The following NUP98 variants were observed in gnomAD, a reference collection of about 807,000 sequenced individuals.
NUP98 encodes the protein nuclear pore complex protein Nup98-Nup96.
A neutral mutation model predicts 191.9 loss-of-function variants in NUP98; 26 were observed. The observed-to-expected ratio is 0.14, with a 90% CI of 0.10 to 0.19. The LOEUF is 0.19. NUP98 is among the 10% of genes least tolerant of loss of function. The pLI is 1.00. For synonymous variants in NUP98, 808 were observed against 778.4 expected, an observed-to-expected ratio of 1.04 and a Z score of -0.63; for missense variants, 1,941 against 2,178.8, an observed-to-expected ratio of 0.89 and a Z score of 2.17.
intron 13 of NUP98, among the ~76,000 whole-genome samples, chr11:3,733,742 G>T (rs1419888185): frequency 1.3e-5 from 2 of 152,136 alleles, no homozygotes; most frequent in African/African-American, 2.4e-5. Context: ...ATTCGTCATT[G>T]ATAGACACTC....
intron 9 of NUP98, 127 bp from the exon 10 acceptor site, chr11:3,760,753 A>G: frequency 1.5e-6 from 1 of 645,460 alleles, no homozygotes. Context: ...ATTCATAAAA[A>G]AGGTAGAAAA....
chr11:3,676,725 G>T, intron 31 of NUP98, 105 bp from the exon 32 acceptor site: 1 of 927,518 alleles, frequency 1.1e-6, no homozygotes, highest in Admixed American at 1.7e-5. Flanking sequence ...AGGTGAGGGA[G>T]GGGAAAATCC....
At chr11:3,701,727 C>A (rs973725760) in intron 23 of NUP98, among the ~76,000 whole-genome samples, 1 of 150,588 alleles carries the variant, frequency 6.6e-6, no homozygotes, top group Admixed American at 6.6e-5. Flanking sequence ...ATTCAGTTGC[C>A]CAGGCTAGAG....
At chr11:3,697,537 C>T (rs185929102) in intron 25 of NUP98, among the ~76,000 whole-genome samples, 21 of 152,014 alleles carry the variant, frequency 1.4e-4, no homozygotes, top group Admixed American at 9.8e-4. Context: ...TGGCCAGGCA[C>T]GGTGGCTCAT....
chr11:3,702,349 T>C, intron 23 of NUP98, 114 bp downstream of exon 23: 2 of 668,334 alleles, frequency 3.0e-6, no homozygotes, highest in Non-Finnish European at 5.0e-6. Flanking sequence ...TCTCTCTCTC[T>C]CTCTCTCTCT....
At chr11:3,765,547 C>CCCAG (rs2081308555) in intron 8 of NUP98, among the ~76,000 whole-genome samples, 1 of 152,136 alleles carries the variant, frequency 6.6e-6, no homozygotes. Context: ...CACCTGTAAT[C>CCCAG]CCAGCACTTT....
intron 11 of NUP98, among the ~76,000 whole-genome samples, chr11:3,749,137 T>A (rs1363371283): frequency 6.9e-6 from 1 of 144,678 alleles, no homozygotes; most frequent in Non-Finnish European, 1.5e-5. Flanking sequence ...TGAAACCCCG[T>A]CTCTACTAAA....
chr11:3,728,269 CT>C (rs2079699482), intron 14 of NUP98, among the ~76,000 whole-genome samples: 1 of 152,144 alleles, frequency 6.6e-6, no homozygotes, highest in African/African-American at 2.4e-5. Flanking sequence ...ATGGGAAATC[CT>C]ACCTTTGAGG....
intron 8 of NUP98, among the ~76,000 whole-genome samples, chr11:3,763,879 A>G (rs1293233889): frequency 2.0e-5 from 3 of 152,228 alleles, no homozygotes; most frequent in Non-Finnish European, 2.9e-5. Flanking sequence ...CTCATTTCCA[A>G]TGAGCAGTCT....
intron 13 of NUP98, among the ~76,000 whole-genome samples, chr11:3,734,718 A>G (rs892388594): frequency 1.3e-5 from 2 of 152,166 alleles, no homozygotes; most frequent in Non-Finnish European, 2.9e-5. Flanking sequence ...GCCACTTAAG[A>G]GCATTATGAT....
intron 12 of NUP98, among the ~76,000 whole-genome samples, chr11:3,743,552 C>A (rs367850201): frequency 2.8e-5 from 4 of 142,582 alleles, no homozygotes; most frequent in African/African-American, 1.0e-4. Flanking sequence ...GAGGCTGAGG[C>A]GGGAGAATGG....
At chr11:3,780,839 G>GGAGGCC (rs1217970878) in intron 2 of NUP98, among the ~76,000 whole-genome samples, 1 of 151,954 alleles carries the variant, frequency 6.6e-6, no homozygotes, top group Non-Finnish European at 1.5e-5. Context: ...CAGCACTTTG[G>GGAGGCC]GAGGCCGAGG....
At chr11:3,760,296 G>T in intron 10 of NUP98, 1 of 530,554 alleles carries the variant, frequency 1.9e-6, no homozygotes, top group South Asian at 2.9e-5. Flanking sequence ...CAAAGTAAAT[G>T]AAAGGCAATT....
intron 10 of NUP98, among the ~76,000 whole-genome samples, chr11:3,753,992 C>T (rs2080866577): frequency 6.6e-6 from 1 of 151,648 alleles, no homozygotes; most frequent in Non-Finnish European, 1.5e-5. Flanking sequence ...AATATCAATT[C>T]AATATAGGAT....
chr11:3,755,834 G>A (rs533341877), intron 10 of NUP98, among the ~76,000 whole-genome samples: 24 of 151,268 alleles, frequency 1.6e-4, no homozygotes, highest in Non-Finnish European at 3.4e-4. Context: ...TGTGGTGGCA[G>A]GCGCCTATAA....
intron 29 of NUP98, 82 bp downstream of exon 29, chr11:3,685,891 A>T (rs1281569823): frequency 9.1e-7 from 1 of 1,099,856 alleles, no homozygotes; most frequent in African/African-American, 1.5e-5. Context: ...TACTTGCTAA[A>T]CTGAACCCTG....
In NUP98 at chr11:3,705,068, C is replaced by T. The variant is rs1464482077; in HGVS notation, c.3082+132G>A. ...TTATAAGTACAATTTCTCTTAGCAC[C>T]CTTATGTCACAGGTATAGTTGTTTG... On this transcript the variant is annotated intron_variant, in intron 22 of 32. Coordinates refer to ENST00000324932, the MANE Select transcript of NUP98 (RefSeq NM_016320.5). 9.8e-6 allele frequency: 8 copies of T among 812,834 alleles called. No individual in the cohort carries two copies. In the East Asian group the frequency reaches 1.8e-4, roughly 18 times the overall value. The allele number at this position is 812,834 out of a possible 1,614,324, so 50.4% of individuals were successfully genotyped here.
At chr11:3,692,166 A>AT (rs903005195) in intron 27 of NUP98, among the ~76,000 whole-genome samples, 30 of 150,680 alleles carry the variant, frequency 2.0e-4, no homozygotes, top group African/African-American at 2.7e-4. Flanking sequence ...AGAAAAAAAA[A>AT]TTTTTTTTTT....
At position 3,740,824 on chromosome 11, in the gene NUP98, A is replaced by ATAT. The variant is rs1487457707; in HGVS notation, c.1408+3684_1408+3685insATA. Among the ~76,000 whole-genome samples, 393 of 147,904 alleles carry ATAT rather than the reference A, an allele frequency of 2.7e-3. 3 individuals are homozygous for ATAT. The highest frequency in any genetic ancestry group is 8.8e-3 in the African/African-American group (357 of 40,696). ...TTTAAATATAAATATATATATATAT[A>ATAT]TTTTTTTTTTTGGAGACAGAGTCTC... On this transcript the variant is annotated intron_variant, in intron 12 of 32. Transcript: ENST00000324932.
Sources: allele counts gnomAD v4.1 joint callset (sites outside exome capture counted in the v4.1 genomes callset), GRCh38; gene constraint gnomAD v4.1.1; transcripts MANE v1.5; gene names NCBI Gene and HGNC (gene_info 2026-07-23, HGNC 2026-07-21).